Variants in TBC1D2B observed in about 807,000 individuals in gnomAD.
The protein encoded by TBC1D2B is TBC1 domain family, member 2B.
In TBC1D2B, 64 loss-of-function variants were observed where a neutral mutation model predicts 100.8. That is an observed-to-expected ratio of 0.64 (90% CI 0.52 to 0.78). TBC1D2B has a LOEUF of 0.78. Among genes scored for constraint, TBC1D2B ranks in the 30% least tolerant of loss-of-function variants. The pLI, the probability that TBC1D2B is intolerant of heterozygous loss-of-function variation, is 0.00. For synonymous variants in TBC1D2B, 480 were observed against 479.7 expected (o/e 1.00, Z -0.01); for missense variants, 1,052 against 1,218.4 (o/e 0.86, Z 2.03).
At chr15:78,016,809 T>C in intron 7 of TBC1D2B, 70 bp from the exon 8 acceptor site, 2 of 1,317,372 alleles carry the variant, frequency 1.5e-6, no homozygotes, top group African/African-American at 1.5e-5. Flanking sequence ...GGTACGCAAA[T>C]GACCAGTGAA....
intron 2 of TBC1D2B, among the ~76,000 whole-genome samples, chr15:78,049,629 C>T (rs76170573): frequency 6.6e-6 from 1 of 152,126 alleles, no homozygotes; most frequent in Admixed American, 6.5e-5. Context: ...CCCCCATTCA[C>T]AGCCACATCA....
intron 3 of TBC1D2B, among the ~76,000 whole-genome samples, chr15:78,039,359 T>G (rs963712442): frequency 6.6e-6 from 1 of 152,154 alleles, no homozygotes; most frequent in African/African-American, 2.4e-5. Flanking sequence ...CCATAATAGA[T>G]TCTTGGGAAC....
At chr15:78,051,255 A>G (rs2073307303) in intron 2 of TBC1D2B, among the ~76,000 whole-genome samples, 1 of 152,218 alleles carries the variant, frequency 6.6e-6, no homozygotes, top group Non-Finnish European at 1.5e-5. Context: ...AAATGATATC[A>G]TCTCATATAT....
intron 2 of TBC1D2B, among the ~76,000 whole-genome samples, chr15:78,047,331 C>T (rs1194910485): frequency 3.9e-5 from 6 of 151,992 alleles, no homozygotes; most frequent in East Asian, 1.9e-4. Flanking sequence ...CACTAGGCAC[C>T]GAGGGCACAA....
chr15:78,076,254 T>C (rs1225235214), intron 1 of TBC1D2B, among the ~76,000 whole-genome samples: 4 of 152,312 alleles, frequency 2.6e-5, no homozygotes, highest in Non-Finnish European at 5.9e-5. Context: ...GTCTGTCCAC[T>C]GGAGGATTAA....
intron 10 of TBC1D2B, among the ~76,000 whole-genome samples, chr15:78,007,581 C>T (rs181027389): frequency 2.3e-3 from 344 of 152,242 alleles, no homozygotes; most frequent in Non-Finnish European, 3.7e-3. Flanking sequence ...GGCAGAAATG[C>T]GAATGCAAAG....
chr15:78,039,038 C>T (rs529666248), intron 3 of TBC1D2B, among the ~76,000 whole-genome samples: 2 of 152,312 alleles, frequency 1.3e-5, no homozygotes, highest in African/African-American at 4.8e-5. Context: ...CTTCCTGCAA[C>T]TGCTGAAACT....
At chr15:78,061,790 A>G (rs1366620934) in intron 1 of TBC1D2B, among the ~76,000 whole-genome samples, 1 of 151,944 alleles carries the variant, frequency 6.6e-6, no homozygotes, top group East Asian at 1.9e-4. Context: ...TAAATTAGAA[A>G]AAAAAAGCCT....
At chr15:78,075,889 A>G (rs1326109586) in intron 1 of TBC1D2B, among the ~76,000 whole-genome samples, 1 of 152,156 alleles carries the variant, frequency 6.6e-6, no homozygotes, top group Non-Finnish European at 1.5e-5. Flanking sequence ...GGTCTGAGGA[A>G]CAGTCCTCAG....
At chr15:78,026,901 C>CAAA (rs5813893) in intron 4 of TBC1D2B, among the ~76,000 whole-genome samples, 4 of 110,552 alleles carry the variant, frequency 3.6e-5, no homozygotes, top group African/African-American at 1.0e-4. Flanking sequence ...ATCTCCATCT[C>CAAA]AAAAAAAAAA....
At chr15:78,056,014 C>T (rs2073415148) in intron 1 of TBC1D2B, among the ~76,000 whole-genome samples, 2 of 152,164 alleles carry the variant, frequency 1.3e-5, no homozygotes, top group Admixed American at 1.3e-4. Flanking sequence ...TAGGCAGGTT[C>T]AAAAGCTTCA....
Position 78,077,278 on chromosome 15 carries a change from G to T in TBC1D2B, c.360+15C>A. ...GGCGGAAGCGCGCGGGCGGCTTTGGGGCGAGCGGTCCCACCTTGAGCACCG... is the reference window on the plus strand; with the variant it reads ...GGCGGAAGCGCGCGGGCGGCTTTGGTGCGAGCGGTCCCACCTTGAGCACCG... On this transcript the variant is annotated intron_variant, in intron 1 of 12. Transcript: ENST00000300584. The T allele has an allele frequency of 6.9e-7, 1 of 1,454,262 alleles. No homozygotes were observed. 90.1% of individuals were successfully genotyped at this position (1,454,262 alleles called of 1,614,324 possible).
intron 1 of TBC1D2B, among the ~76,000 whole-genome samples, chr15:78,061,036 C>T (rs955107447): frequency 4.9e-5 from 7 of 142,010 alleles, no homozygotes; most frequent in African/African-American, 7.9e-5. Context: ...GCTTGAGCCC[C>T]GGAGTTCAAG....
chr15:78,048,002 T>G (rs2073233958), intron 2 of TBC1D2B, among the ~76,000 whole-genome samples: 1 of 152,220 alleles, frequency 6.6e-6, no homozygotes, highest in Non-Finnish European at 1.5e-5. Flanking sequence ...CTCTTCTTCC[T>G]GTGTGGGCTA....
intron 1 of TBC1D2B, among the ~76,000 whole-genome samples, chr15:78,073,567 C>T (rs1210162242): frequency 6.6e-6 from 1 of 152,158 alleles, no homozygotes; most frequent in Non-Finnish European, 1.5e-5. Flanking sequence ...TCAGTTCTTG[C>T]ATTTGAAAGA....
chr15:78,032,207 T>C (rs2072833256), intron 3 of TBC1D2B, among the ~76,000 whole-genome samples: 1 of 152,156 alleles, frequency 6.6e-6, no homozygotes, highest in Admixed American at 6.5e-5. Context: ...GGACCGGGAA[T>C]AGTGCCTAGT....
intron 1 of TBC1D2B, among the ~76,000 whole-genome samples, chr15:78,060,784 G>A (rs369646833): frequency 2.0e-5 from 3 of 152,028 alleles, no homozygotes; most frequent in African/African-American, 7.3e-5. Flanking sequence ...AGGTGTGGTG[G>A]CACACTCCTG....
intron 1 of TBC1D2B, among the ~76,000 whole-genome samples, chr15:78,061,933 A>ATTTAG (rs1461847689): frequency 1.3e-5 from 2 of 152,190 alleles, no homozygotes; most frequent in African/African-American, 2.4e-5. Flanking sequence ...AGAAATTCAC[A>ATTTAG]CGGGAAGGTT....
In TBC1D2B at chr15:78,072,486, A is replaced by G. The variant is rs1199472823; in HGVS notation, c.360+4807T>C. ...CAAAGGAGGCTGGTTCACCACATCT[A>G]TTTTGCACTGAAAACAATATGATTA... is the stretch of plus-strand genomic sequence containing the variant. On this transcript the variant is annotated intron_variant, in intron 1 of 12. Transcript: ENST00000300584. 2.0e-5 allele frequency among the ~76,000 whole-genome samples: 3 copies of G among 152,354 alleles called. No individual in the cohort carries two copies. The South Asian group carries it at 6.2e-4, about 32-fold the overall frequency.
Sources: gnomAD v4.1 joint callset for allele counts (sites outside exome capture counted in the v4.1 genomes callset) on GRCh38, gnomAD v4.1.1 for gene constraint, MANE v1.5 for transcripts, NCBI Gene and HGNC (gene_info 2026-07-23, HGNC 2026-07-21) for gene names.